The following PALM2AKAP2 variants were observed in gnomAD, a reference collection of about 807,000 sequenced individuals.
PALM2AKAP2 encodes PALM2-AKAP2 fusion protein.
Under a neutral mutation model 71.5 loss-of-function variants are expected in PALM2AKAP2, and 37 were observed. That is an observed-to-expected ratio of 0.52 (90% CI 0.40 to 0.68). PALM2AKAP2 has a LOEUF of 0.68. Ranked by LOEUF, PALM2AKAP2 falls within the 30% of genes least tolerant of loss-of-function variation. PALM2AKAP2 has a pLI of 0.00. For synonymous variants in PALM2AKAP2, 468 were observed against 478.8 expected, an observed-to-expected ratio of 0.98 and a Z score of 0.29; for missense variants, 1,224 against 1,191.8, an observed-to-expected ratio of 1.03 and a Z score of -0.40.
intron 1 of PALM2AKAP2, among the ~76,000 whole-genome samples, chr9:109,786,145 C>G (rs1309856085): frequency 6.6e-6 from 1 of 152,250 alleles, no homozygotes; most frequent in East Asian, 1.9e-4. Flanking sequence ...CCTTTTCTTG[C>G]CTGGGAGCAT....
intron 1 of PALM2AKAP2, among the ~76,000 whole-genome samples, chr9:109,861,681 C>G (rs1437474236): frequency 2.0e-5 from 3 of 152,268 alleles, no homozygotes; most frequent in Admixed American, 1.3e-4. Flanking sequence ...TCCACTTCCC[C>G]CGCCTTTCTC....
At chr9:109,719,639 T>C (rs1407328483) in intron 1 of PALM2AKAP2, among the ~76,000 whole-genome samples, 1 of 152,192 alleles carries the variant, frequency 6.6e-6, no homozygotes, top group Admixed American at 6.5e-5. Flanking sequence ...TCATGGATAG[T>C]TGGAGGATCA....
chr9:110,034,303 C>T (rs944402711), intron 7 of PALM2AKAP2, among the ~76,000 whole-genome samples: 1 of 152,102 alleles, frequency 6.6e-6, no homozygotes, highest in Non-Finnish European at 1.5e-5. Flanking sequence ...GATTTACAGG[C>T]ATGTGCCACC....
intron 6 of PALM2AKAP2, among the ~76,000 whole-genome samples, chr9:109,985,934 G>A (rs1484988184): frequency 6.6e-6 from 1 of 152,204 alleles, no homozygotes; most frequent in East Asian, 1.9e-4. Flanking sequence ...ACAAACATGA[G>A]CCACTGCACC....
At chr9:110,087,054 T>C (rs1834590284) in intron 1 of PALM2AKAP2, among the ~76,000 whole-genome samples, 1 of 152,190 alleles carries the variant, frequency 6.6e-6, no homozygotes, top group Admixed American at 6.5e-5. Flanking sequence ...GTGACTTTGC[T>C]CTTGCTATCC....
At chr9:109,684,229 C>T (rs1827777333) in intron 1 of PALM2AKAP2, among the ~76,000 whole-genome samples, 1 of 152,180 alleles carries the variant, frequency 6.6e-6, no homozygotes, top group African/African-American at 2.4e-5. Context: ...ATGGCCCCAA[C>T]ACACCCTTGG....
At chr9:109,972,104 T>A (rs1436536731) in intron 6 of PALM2AKAP2, among the ~76,000 whole-genome samples, 3 of 152,226 alleles carry the variant, frequency 2.0e-5, no homozygotes, top group African/African-American at 4.8e-5. Flanking sequence ...TGGAACTCCT[T>A]AAGGACAAGG....
At chr9:109,919,287 A>T (rs901457777) in intron 3 of PALM2AKAP2, among the ~76,000 whole-genome samples, 1 of 152,332 alleles carries the variant, frequency 6.6e-6, no homozygotes, top group South Asian at 2.1e-4. Flanking sequence ...CCCCTCTTTC[A>T]TGCCACAGCC....
At position 110,131,252 on chromosome 9, in the gene PALM2AKAP2, G is replaced by A. The variant is rs548623220; in HGVS notation, c.157-4875G>A. Among the ~76,000 whole-genome samples, 4 of 152,264 alleles carry A rather than the reference G, an allele frequency of 2.6e-5. No homozygotes were observed. In the South Asian group the frequency reaches 8.3e-4, roughly 32 times the overall value. Reference sequence around the variant, plus strand: ...GGCAGGTTTCTGTGTCGTGGTATTAGGGCTCTACCTGGAGGGTGAACTGGG... The same window carrying A: ...GGCAGGTTTCTGTGTCGTGGTATTAAGGCTCTACCTGGAGGGTGAACTGGG... On this transcript the variant is annotated intron_variant, in intron 1 of 3. Transcript: ENST00000374525.
intron 1 of PALM2AKAP2, among the ~76,000 whole-genome samples, chr9:109,658,022 G>T (rs1011542770): frequency 4.6e-5 from 7 of 151,824 alleles, no homozygotes; most frequent in Non-Finnish European, 8.8e-5. Context: ...CACAGAGGAG[G>T]CCAAAGTATT....
chr9:109,827,911 T>C (rs1046250520), intron 1 of PALM2AKAP2, among the ~76,000 whole-genome samples: 5 of 152,236 alleles, frequency 3.3e-5, no homozygotes, highest in African/African-American at 1.2e-4. Context: ...TTATAAGCTA[T>C]TCATTCAAAA....
chr9:109,853,999 G>A (rs1339278696), intron 1 of PALM2AKAP2, among the ~76,000 whole-genome samples: 1 of 152,210 alleles, frequency 6.6e-6, no homozygotes, highest in Non-Finnish European at 1.5e-5. Context: ...GCAGGGCTCA[G>A]CCAAGCACAT....
chr9:109,882,816 A>ATT (rs1265305215), intron 3 of PALM2AKAP2, among the ~76,000 whole-genome samples: 5 of 143,842 alleles, frequency 3.5e-5, no homozygotes, highest in East Asian at 2.0e-4. Flanking sequence ...CATTATTATT[A>ATT]TTTTTTTTTT....
chr9:109,747,195 G>T (rs1332602277), intron 1 of PALM2AKAP2, among the ~76,000 whole-genome samples: 1 of 152,116 alleles, frequency 6.6e-6, no homozygotes, highest in Non-Finnish European at 1.5e-5. Flanking sequence ...GCCCAAAAAG[G>T]CCACCAGCAG....
intron 6 of PALM2AKAP2, among the ~76,000 whole-genome samples, chr9:109,962,193 C>T (rs1285084685): frequency 6.6e-6 from 1 of 152,194 alleles, no homozygotes; most frequent in Non-Finnish European, 1.5e-5. Context: ...ACCCCAGTTT[C>T]TTCATGTGTA....
intron 7 of PALM2AKAP2, among the ~76,000 whole-genome samples, chr9:110,023,305 C>CGTTTTTTTTTTTT (rs1833108233): frequency 2.7e-5 from 2 of 74,038 alleles, no homozygotes; most frequent in Non-Finnish European, 4.7e-5. Context: ...ATTGTGGTTT[C>CGTTTTTTTTTTTT]TTTTTTTTTT....
chr9:109,649,524 A>G (rs1421673224), intron 1 of PALM2AKAP2, among the ~76,000 whole-genome samples: 3 of 152,100 alleles, frequency 2.0e-5, no homozygotes, highest in Admixed American at 6.6e-5. Context: ...CATGTATCCA[A>G]TTTTTTTGAA....
intron 1 of PALM2AKAP2, among the ~76,000 whole-genome samples, chr9:109,714,771 C>A (rs1432001930): frequency 6.6e-6 from 1 of 152,190 alleles, no homozygotes; most frequent in African/African-American, 2.4e-5. Flanking sequence ...TAGGAATTGC[C>A]CTCACCTGAA....
At chr9:109,719,299 T>C (rs544588443) in intron 1 of PALM2AKAP2, among the ~76,000 whole-genome samples, 1 of 152,316 alleles carries the variant, frequency 6.6e-6, no homozygotes, top group South Asian at 2.1e-4. Flanking sequence ...GTTAGGAAGG[T>C]ACAATACATG....
Sources: gnomAD v4.1 joint callset for allele counts (sites outside exome capture counted in the v4.1 genomes callset) on GRCh38, gnomAD v4.1.1 for gene constraint, MANE v1.5 for transcripts, NCBI Gene and HGNC (gene_info 2026-07-23, HGNC 2026-07-21) for gene names.